ZNF45: variants seen among roughly 807,000 people sequenced by gnomAD.
ZNF45 encodes zinc finger protein 45.
Under a neutral mutation model 12.0 loss-of-function variants are expected in ZNF45, and 4 were observed. That is an observed-to-expected ratio of 0.33 (90% CI 0.16 to 0.76). The LOEUF (loss-of-function observed/expected upper bound fraction) is 0.76. Ranked by LOEUF, ZNF45 falls within the 30% of genes least tolerant of loss-of-function variation. ZNF45 has a pLI of 0.60. For synonymous variants in ZNF45, 272 were observed against 279.6 expected, an observed-to-expected ratio of 0.97 and a Z score of 0.27; for missense variants, 700 against 813.0, an observed-to-expected ratio of 0.86 and a Z score of 1.69.
intron 7 of ZNF45, 131 bp from the exon 8 acceptor site, chr19:43,919,830 T>C: frequency 1.1e-6 from 1 of 926,968 alleles, no homozygotes; most frequent in Non-Finnish European, 1.6e-6. Context: ...TCAACTTTAT[T>C]ACAGTTAAAC....
Position 43,915,172 on chromosome 19 carries a change from A to T in ZNF45, c.264T>A (p.Thr88=), listed in dbSNP as rs200303809. The change falls in exon 10 of 10, where the codon ACT becomes ACA. Residue 88 remains threonine (T), a synonymous_variant. Coordinates refer to ENST00000269973, the MANE Select transcript of ZNF45 (RefSeq NM_003425.4). The stretch of plus-strand genomic sequence containing the variant: ...GGTACCTTAATCCTACTTCTTGAAG[A>T]GTCTCCATCTCTTTTAGATTCTTGG... ...SGAKNLKEME[T]LQEVGLRYLP... 1 of 1,516,386 alleles carries T rather than the reference A, an allele frequency of 6.6e-7. No individual in the cohort carries two copies. The highest frequency in any genetic ancestry group is 8.8e-7 in the Non-Finnish European group (1 of 1,133,048). 93.9% of individuals were successfully genotyped at this position (1,516,386 alleles called of 1,614,324 possible).
At position 43,913,486 on chromosome 19, in the gene ZNF45, A is replaced by C; in HGVS notation, c.1950T>G (p.Ser650Arg). The stretch of plus-strand genomic sequence containing the variant: ...GATGAATGATAAGACTTGAGCTCCA[A>C]CTGAAGCCCTTCCCACACTCCTCAC... ...YKCEECGKGF[S>R]WSSSLIIHQR... Residue 650 changes from serine to arginine, a missense_variant, in exon 10 of 10, where the codon AGT (serine) becomes AGG (arginine). By Grantham distance (110) the Ser-to-Arg change is moderately radical. Transcript: ENST00000269973. The C allele has an allele frequency of 6.2e-7, 1 of 1,613,632 alleles. No individual in the cohort carries two copies. The highest frequency in any genetic ancestry group is 8.5e-7 in the Non-Finnish European group (1 of 1,179,660).
intron 9 of ZNF45, among the ~76,000 whole-genome samples, chr19:43,917,668 T>G (rs1004781656): frequency 2.0e-5 from 3 of 152,162 alleles, no homozygotes; most frequent in African/African-American, 7.2e-5. Context: ...GTATTTTTAG[T>G]AGAGACGGGG....
chr19:43,915,449 T>C (rs1018016986), intron 9 of ZNF45, among the ~76,000 whole-genome samples: 2 of 152,248 alleles, frequency 1.3e-5, no homozygotes, highest in African/African-American at 2.4e-5. Flanking sequence ...TTGGGAGATG[T>C]TGAGGCACTG....
At position 43,918,854 on chromosome 19, in the gene ZNF45, C is replaced by T; in HGVS notation, c.235+16G>A. On this transcript the variant is annotated intron_variant, in intron 9 of 9. Transcript: ENST00000269973. ...GGCTAACAGAAAAATGTCCAGCAGC[C>T]CCAGCCCCTCCTCACCTGAGGAGTT... 1 of 1,608,652 alleles carries T rather than the reference C, an allele frequency of 6.2e-7. No homozygotes were observed. The highest frequency in any genetic ancestry group is 8.5e-7 in the Non-Finnish European group (1 of 1,175,164).
At chr19:43,915,926 A>T (rs898624585) in intron 9 of ZNF45, among the ~76,000 whole-genome samples, 8 of 152,166 alleles carry the variant, frequency 5.3e-5, no homozygotes, top group Non-Finnish European at 1.0e-4. Flanking sequence ...CCTCCATGAG[A>T]ACACCTGGGA....
Position 43,913,908 on chromosome 19 carries a change from T to C in ZNF45, c.1528A>G (p.Ser510Gly), listed in dbSNP as rs927583044. Residue 510 changes from serine (S) to glycine (G), a missense_variant, in exon 10 of 10, where the codon AGT becomes GGT. By Grantham distance (56) the Ser-to-Gly change is moderately conservative. Transcript: ENST00000269973. ...TGCACCTGAAGGCTGGAGAACTGAC[T>C]GAAGGCCTTACCACACCTCTCGCAT... ...YKCERCGKAFSQFSSLQVHQR... is the reference protein window; with the variant it reads ...YKCERCGKAFGQFSSLQVHQR... 1.9e-6 allele frequency: 3 copies of C among 1,602,898 alleles called. No individual in the cohort carries two copies. The highest frequency in any genetic ancestry group is 2.6e-6 in the Non-Finnish European group (3 of 1,171,954).
intron 9 of ZNF45, among the ~76,000 whole-genome samples, chr19:43,917,785 T>C (rs378109): frequency 0.48 from 73,421 of 151,612 alleles, 18,637 homozygotes; most frequent in East Asian, 0.81. Flanking sequence ...CATGACTGGC[T>C]GCAAGTTTTC....
intron 9 of ZNF45, 99 bp downstream of exon 9, chr19:43,918,771 T>C (rs1972890713): frequency 2.6e-5 from 24 of 924,882 alleles, no homozygotes; most frequent in Non-Finnish European, 3.4e-5. Context: ...GGAAAAAAAC[T>C]GTTCTAGACT....
Position 43,913,229 on chromosome 19 carries a change from G to A in ZNF45, c.*158C>T. On this transcript the variant is annotated 3_prime_UTR_variant, in exon 10 of 10. Coordinates refer to ENST00000269973, the MANE Select transcript of ZNF45 (RefSeq NM_003425.4). ...TGTATCAGCTAATGGTCAATGTTCT[G>A]AATGCAGTCCATATGTCTCCACTCT... is the stretch of plus-strand genomic sequence containing the variant. 1 of 721,022 alleles carries A rather than the reference G, an allele frequency of 1.4e-6. No homozygotes were observed. The highest frequency in any genetic ancestry group is 2.5e-5 in the South Asian group (1 of 39,804). The allele number at this position is 721,022 out of a possible 1,614,324, so 44.7% of individuals were successfully genotyped here. A position where few individuals can be genotyped will look rare whatever the true frequency, so the allele number is the denominator to read the frequency against.
intron 9 of ZNF45, among the ~76,000 whole-genome samples, chr19:43,915,409 G>A (rs2146743618): frequency 6.6e-6 from 1 of 152,286 alleles, no homozygotes; most frequent in South Asian, 2.1e-4. Context: ...CCTTTGCCTG[G>A]GATTATTTCA....
intron 9 of ZNF45, among the ~76,000 whole-genome samples, chr19:43,916,016 A>G (rs1972637700): frequency 6.6e-6 from 1 of 152,106 alleles, no homozygotes; most frequent in Admixed American, 6.5e-5. Context: ...GGGGGGTTTC[A>G]CCATGTCGGT....
intron 3 of ZNF45, among the ~76,000 whole-genome samples, chr19:43,927,847 T>C (rs539658399): frequency 2.2e-4 from 34 of 152,112 alleles, no homozygotes; most frequent in Admixed American, 4.6e-4. Flanking sequence ...GAAAATGTGG[T>C]GCATATACAC....
intron 6 of ZNF45, among the ~76,000 whole-genome samples, chr19:43,923,977 TAA>T (rs202194694): frequency 5.0e-5 from 5 of 100,328 alleles, no homozygotes; most frequent in East Asian, 2.6e-4. Context: ...AAAAAAAATC[TAA>T]AAAAAAAAAA....
At chr19:43,915,275 C>A in intron 9 of ZNF45, 75 bp from the exon 10 acceptor site, 2 of 1,402,332 alleles carry the variant, frequency 1.4e-6, no homozygotes, top group Admixed American at 2.6e-5. Context: ...TTTATAAACT[C>A]GGGCCCATAG....
Position 43,913,526 on chromosome 19 carries a change from TCTCC to T in ZNF45, c.1906_1909del (p.Gly636LysfsTer57), listed in dbSNP as rs745624498. ...ACACTCCTCACATTTGTATGGTTTT[TCTCC>T]GGTGTGAACTCTTTGATGGGCTTGA... On this transcript the variant is annotated frameshift_variant, in exon 10 of 10. Coordinates refer to ENST00000269973, the MANE Select transcript of ZNF45 (RefSeq NM_003425.4). LOFTEE classifies it low-confidence loss of function (END_TRUNC). 1.9e-6 allele frequency: 3 copies of T among 1,613,728 alleles called. No individual in the cohort carries two copies. Among genetic ancestry groups the T allele is most frequent in the East Asian group, 2.2e-5 (1 of 44,876 alleles).
chr19:43,925,005 G>C (rs1973555544), intron 4 of ZNF45: 1 of 152,174 alleles, frequency 6.6e-6, no homozygotes, highest in Admixed American at 6.5e-5. Flanking sequence ...AAATTCTTAT[G>C]TTGAAGCCCT....
At chr19:43,917,766 G>A (rs1343808869) in intron 9 of ZNF45, among the ~76,000 whole-genome samples, 2 of 152,134 alleles carry the variant, frequency 1.3e-5, no homozygotes, top group African/African-American at 4.8e-5. Flanking sequence ...GATTACAGGC[G>A]TGAGCCACCA....
chr19:43,914,402 G>A lies in ZNF45; in HGVS notation c.1034C>T (p.Ser345Leu). ...GATTCTACAATGAATATTAAGGTGT[G>A]AGCTGTAACTAAAGCTCTTGCCACA... ...NACGKSFSYS[S>L]HLNIHCRIHT... Residue 345 changes from serine to leucine, a missense_variant, in exon 10 of 10, where the codon TCA becomes TTA. By Grantham distance (145) the Ser-to-Leu change is moderately radical. Coordinates refer to ENST00000269973, the MANE Select transcript of ZNF45 (RefSeq NM_003425.4). 1 of 1,609,822 alleles carries A rather than the reference G, an allele frequency of 6.2e-7. No individual in the cohort carries two copies. The highest frequency in any genetic ancestry group is 8.5e-7 in the Non-Finnish European group (1 of 1,177,244).
Sources: allele counts gnomAD v4.1 joint callset (sites outside exome capture counted in the v4.1 genomes callset), GRCh38; gene constraint gnomAD v4.1.1; transcripts MANE v1.5; gene names NCBI Gene and HGNC (gene_info 2026-07-23, HGNC 2026-07-21).